The following AKAP6 variants were observed in gnomAD, a reference collection of about 807,000 sequenced individuals.
AKAP6 encodes the protein A-kinase anchoring protein 6.
AKAP6 carries 58 observed loss-of-function variants against 188.5 expected under a neutral mutation model. The ratio of observed to expected loss-of-function variants is 0.31; its 90% CI spans 0.25 to 0.38. AKAP6 has a LOEUF of 0.38. Among genes scored for constraint, AKAP6 ranks in the 10% least tolerant of loss-of-function variants. The probability of loss-of-function intolerance (pLI) is 1.00; values close to 1 mark genes in which losing one functional copy is unlikely to be tolerated. For synonymous variants in AKAP6, 989 were observed against 998.6 expected (o/e 0.99, Z 0.18); for missense variants, 2,710 against 2,740.0 (o/e 0.99, Z 0.24).
At chr14:32,510,451 C>CATATAT (rs33924445) in intron 2 of AKAP6, among the ~76,000 whole-genome samples, 5 of 35,826 alleles carry the variant, frequency 1.4e-4, no homozygotes, top group African/African-American at 2.2e-4. Context: ...TATATATATA[C>CATATAT]ATATATATGT....
chr14:32,522,936 T>A (rs1881921512), intron 2 of AKAP6, among the ~76,000 whole-genome samples: 1 of 152,154 alleles, frequency 6.6e-6, no homozygotes, highest in African/African-American at 2.4e-5. Flanking sequence ...CAAATGTCCA[T>A]CAATGATAGA....
At position 32,432,790 on chromosome 14, in the gene AKAP6, T is replaced by C. The variant is rs530962166; in HGVS notation, c.-34-670T>C. Among the ~76,000 whole-genome samples the C allele has an allele frequency of 5.9e-5, 9 of 152,314 alleles. 1 individual carries two copies. In the South Asian group the frequency reaches 1.9e-3, roughly 32 times the overall value. On this transcript the variant is annotated intron_variant, in intron 1 of 13. Coordinates refer to ENST00000280979, the MANE Select transcript of AKAP6 (RefSeq NM_004274.5). ...CTAGTAGAAAAGCCCAAAATAATCC[T>C]GGCTTGAACAAGATAGAAGTTTGGT...
At chr14:32,795,110 A>T (rs1304519336) in intron 12 of AKAP6, among the ~76,000 whole-genome samples, 2 of 152,216 alleles carry the variant, frequency 1.3e-5, no homozygotes, top group South Asian at 2.1e-4. Context: ...TGAATAGACC[A>T]ATAATGAGTT....
At chr14:32,593,689 G>C (rs1213045543) in intron 5 of AKAP6, among the ~76,000 whole-genome samples, 1 of 152,134 alleles carries the variant, frequency 6.6e-6, no homozygotes, top group Non-Finnish European at 1.5e-5. Flanking sequence ...GTGTTCAAGG[G>C]CTGGAAAATA....
intron 11 of AKAP6, among the ~76,000 whole-genome samples, chr14:32,745,496 TG>T (rs1287875663): frequency 6.4e-5 from 7 of 108,808 alleles, no homozygotes; most frequent in Admixed American, 9.4e-5. Flanking sequence ...TCTCTCTCTC[TG>T]TCTCTCTCTC....
At chr14:32,487,353 C>T (rs1260978736) in intron 2 of AKAP6, among the ~76,000 whole-genome samples, 9 of 152,222 alleles carry the variant, frequency 5.9e-5, no homozygotes, top group Admixed American at 2.0e-4. Context: ...ATGGAGGAGT[C>T]CCTCTTTTTC....
intron 2 of AKAP6, among the ~76,000 whole-genome samples, chr14:32,517,317 T>A (rs1235679474): frequency 6.6e-6 from 1 of 152,310 alleles, no homozygotes; most frequent in African/African-American, 2.4e-5. Flanking sequence ...CTGGAGGCTG[T>A]TCAAAGATGG....
In AKAP6 at chr14:32,585,339, T is replaced by C. The variant is rs572834103; in HGVS notation, c.2469+8097T>C. ...AAACAATCAACCACAAGAGCCTGGC[T>C]TAAACTTAGGAAGTATAGTTGCATA... On this transcript the variant is annotated intron_variant, in intron 5 of 13. Transcript: ENST00000280979. Among the ~76,000 whole-genome samples the C allele has an allele frequency of 7.2e-5, 11 of 152,350 alleles. No homozygotes were observed. In the East Asian group the frequency reaches 2.1e-3, roughly 29 times the overall value.
intron 10 of AKAP6, chr14:32,732,858 C>T (rs1358668928): frequency 5.0e-6 from 3 of 601,312 alleles, no homozygotes; most frequent in Admixed American, 3.0e-5. Context: ...GTAAAATATG[C>T]CATGTATTAT....
chr14:32,819,468 G>C (rs2034465844), intron 12 of AKAP6, among the ~76,000 whole-genome samples: 1 of 152,134 alleles, frequency 6.6e-6, no homozygotes, highest in African/African-American at 2.4e-5. Context: ...AAATAATTCT[G>C]ACATTAATAC....
Position 32,830,270 on chromosome 14 carries a change from A to T in AKAP6, c.*465A>T, listed in dbSNP as rs889356273. 6 of 282,718 alleles carry T rather than the reference A, an allele frequency of 2.1e-5. No individual in the cohort carries two copies. Among genetic ancestry groups the T allele is most frequent in the African/African-American group, 1.1e-4 (5 of 45,728 alleles). 17.5% of individuals were successfully genotyped at this position (282,718 alleles called of 1,614,324 possible). A position where few individuals can be genotyped will look rare whatever the true frequency, so the allele number is the denominator to read the frequency against. Reference sequence around the variant, plus strand: ...TGGATTTTTTTTTAACGGTATAATGACTGTGTTTATTGAAAGAGTTTTACC... The same window carrying T: ...TGGATTTTTTTTTAACGGTATAATGTCTGTGTTTATTGAAAGAGTTTTACC... On this transcript the variant is annotated 3_prime_UTR_variant, in exon 14 of 14. Coordinates refer to ENST00000280979, the MANE Select transcript of AKAP6 (RefSeq NM_004274.5).
intron 9 of AKAP6, among the ~76,000 whole-genome samples, chr14:32,725,353 ACT>A (rs2030817998): frequency 6.6e-6 from 1 of 152,114 alleles, no homozygotes; most frequent in South Asian, 2.1e-4. Context: ...TCGGCAGCCT[ACT>A]CCCCGCTGGG....
chr14:32,801,668 A>G (rs2033952612), intron 12 of AKAP6, among the ~76,000 whole-genome samples: 1 of 152,128 alleles, frequency 6.6e-6, no homozygotes, highest in African/African-American at 2.4e-5. Context: ...ACTATTTTTA[A>G]TATTTTTTGT....
chr14:32,786,296 A>ATGTTTTTTTTTTTTTTTTTTTTTTTTT lies in AKAP6; in HGVS notation c.3588+12404_3588+12405insGTTTTTTTTTTTTTTTTTTTTTTTTTT. On this transcript the variant is annotated intron_variant, in intron 12 of 13. Coordinates refer to ENST00000280979, the MANE Select transcript of AKAP6 (RefSeq NM_004274.5). ...AGCCCTCTGAAAGACCTAAACCTTT[A>ATGTTTTTTTTTTTTTTTTTTTTTTTTT]TCTTTTTTTTTTTTTTTTTTTTTTT... Among the ~76,000 whole-genome samples, 164 of 93,668 alleles carry ATGTTTTTTTTTTTTTTTTTTTTTTTTT rather than the reference A, an allele frequency of 1.8e-3. 56 individuals are homozygous for ATGTTTTTTTTTTTTTTTTTTTTTTTTT. Among genetic ancestry groups the ATGTTTTTTTTTTTTTTTTTTTTTTTTT allele is most frequent in the Non-Finnish European group, 2.0e-3 (96 of 48,546 alleles). The allele number at this position is 93,668 out of a possible 152,430, so 61.4% of individuals were successfully genotyped here.
At chr14:32,748,575 G>T (rs1392512640) in intron 11 of AKAP6, among the ~76,000 whole-genome samples, 4 of 152,144 alleles carry the variant, frequency 2.6e-5, no homozygotes, top group Non-Finnish European at 5.9e-5. Context: ...ACCTACTTTG[G>T]TGAGTTGTAT....
chr14:32,743,759 A>T (rs192342688), intron 11 of AKAP6, among the ~76,000 whole-genome samples: 158 of 152,170 alleles, frequency 1.0e-3, no homozygotes, highest in African/African-American at 3.5e-3. Flanking sequence ...TGTTGTAGTT[A>T]TTATTTTTTT....
At chr14:32,467,296 T>C (rs964701622) in intron 2 of AKAP6, among the ~76,000 whole-genome samples, 1 of 151,962 alleles carries the variant, frequency 6.6e-6, no homozygotes, top group African/African-American at 2.4e-5. Context: ...GTTAGGATGC[T>C]TAGGATTTGC....
At chr14:32,406,444 G>A (rs370446407) in intron 1 of AKAP6, among the ~76,000 whole-genome samples, 17 of 152,178 alleles carry the variant, frequency 1.1e-4, no homozygotes, top group African/African-American at 3.4e-4. Flanking sequence ...TCCTGACCTC[G>A]TGATCTGCCC....
chr14:32,391,771 G>A (rs1206026143), intron 1 of AKAP6, among the ~76,000 whole-genome samples: 2 of 152,166 alleles, frequency 1.3e-5, no homozygotes, highest in African/African-American at 4.8e-5. Flanking sequence ...GTTTACTGAT[G>A]CTCCCCAGAA....
Sources: gnomAD v4.1 joint callset for allele counts (sites outside exome capture counted in the v4.1 genomes callset) on GRCh38, gnomAD v4.1.1 for gene constraint, MANE v1.5 for transcripts, NCBI Gene and HGNC (gene_info 2026-07-23, HGNC 2026-07-21) for gene names.